The following DPP3 variants were observed in gnomAD, a reference collection of about 807,000 sequenced individuals.
DPP3 encodes the protein DPP III.
A neutral mutation model predicts 89.8 loss-of-function variants in DPP3; 64 were observed. The observed-to-expected ratio is 0.71, with a 90% CI of 0.58 to 0.88. DPP3 has a LOEUF of 0.88. Ranked by LOEUF, DPP3 falls within the 40% of genes least tolerant of loss-of-function variation. The probability of loss-of-function intolerance (pLI) is 0.00; values close to 1 mark genes in which losing one functional copy is unlikely to be tolerated. For synonymous variants in DPP3, 377 were observed against 404.3 expected (o/e 0.93, Z 0.81); for missense variants, 835 against 972.5 (o/e 0.86, Z 1.88).
Position 66,509,371 on chromosome 11 carries a change from C to T in DPP3, c.*120C>T. The T allele has an allele frequency of 1.3e-6, 2 of 1,540,948 alleles. No individual in the cohort carries two copies. The highest frequency in any genetic ancestry group is 1.2e-5 in the South Asian group (1 of 84,046). ...GCAGGAGCTTGGACCTTGGTACTACCTCAGCTGAGGGTGGTGACACAACCC... is the reference window on the plus strand; with the variant it reads ...GCAGGAGCTTGGACCTTGGTACTACTTCAGCTGAGGGTGGTGACACAACCC... On this transcript the variant is annotated 3_prime_UTR_variant, in exon 18 of 18. Transcript: ENST00000531863.
chr11:66,504,463 A>G, intron 16 of DPP3, 149 bp from the exon 17 acceptor site: 1 of 801,060 alleles, frequency 1.2e-6, no homozygotes, highest in Non-Finnish European at 1.8e-6. Context: ...ACTTAACCAT[A>G]AGTTTCAACA....
At chr11:66,491,650 GC>G (rs749217580) in intron 8 of DPP3, 26 bp downstream of exon 8, 1 of 1,593,022 alleles carries the variant, frequency 6.3e-7, no homozygotes, top group East Asian at 2.3e-5. Flanking sequence ...CACCCCACCT[GC>G]CCCCTCCTGC....
At chr11:66,505,777 G>A (rs1312137677) in intron 17 of DPP3, among the ~76,000 whole-genome samples, 2 of 137,442 alleles carry the variant, frequency 1.5e-5, no homozygotes, top group Non-Finnish European at 3.0e-5. Flanking sequence ...GAGCCCAGGA[G>A]TTCAATGCTA....
intron 9 of DPP3, 172 bp from the exon 10 acceptor site, chr11:66,492,544 T>C (rs1031695086): frequency 4.3e-5 from 30 of 705,416 alleles, no homozygotes; most frequent in Non-Finnish European, 6.7e-5. Context: ...GCATCTTTCC[T>C]GTCCAGGTCC....
At position 66,502,971 on chromosome 11, in the gene DPP3, T is replaced by A. The variant is rs1855717033; in HGVS notation, c.1879-1641T>A. Among the ~76,000 whole-genome samples the A allele has an allele frequency of 2.0e-5, 3 of 152,058 alleles. No homozygotes were observed. The South Asian group carries it at 6.2e-4, about 32-fold the overall frequency. On this transcript the variant is annotated intron_variant, in intron 16 of 17. Transcript: ENST00000531863. ...TGTGTAAGAAATGTTTTATTTTATTTATTTATTATTTTTTTGAGATGGAGT... is the reference window on the plus strand; with the variant it reads ...TGTGTAAGAAATGTTTTATTTTATTAATTTATTATTTTTTTGAGATGGAGT...
chr11:66,502,338 C>T (rs1482114606), intron 16 of DPP3, among the ~76,000 whole-genome samples: 1 of 150,640 alleles, frequency 6.6e-6, no homozygotes, highest in South Asian at 2.1e-4. Context: ...ATGGGAGTCT[C>T]GCTCTGTCCC....
chr11:66,509,050 C>T, intron 17 of DPP3, 29 bp from the exon 18 acceptor site: 1 of 1,610,860 alleles, frequency 6.2e-7, no homozygotes, highest in East Asian at 2.2e-5. Context: ...AGACCTTTCC[C>T]TGCTGTTTTC....
chr11:66,487,332 T>C lies in DPP3; in HGVS notation c.563T>C (p.Leu188Pro). ...GATGCCAAATTGGCCCAGGACTTTC[T>C]GGACTCACAGGTTTGGGGTTAGGGG... is the stretch of plus-strand genomic sequence containing the variant. ...MEDAKLAQDF[L>P]DSQNLSAYNT... is the part of the protein sequence containing the mutation. The change falls in exon 5 of 18, where the codon CTG becomes CCG. Residue 188 changes from leucine (L) to proline (P), a missense_variant. Coordinates refer to ENST00000531863, the MANE Select transcript of DPP3 (RefSeq NM_130443.4). The C allele has an allele frequency of 6.2e-7, 1 of 1,614,038 alleles. No homozygotes were observed. Among genetic ancestry groups the C allele is most frequent in the Non-Finnish European group, 8.5e-7 (1 of 1,179,940 alleles).
At chr11:66,481,313 A>AC (rs1314370558) in intron 1 of DPP3, among the ~76,000 whole-genome samples, 2 of 152,118 alleles carry the variant, frequency 1.3e-5, no homozygotes, top group Admixed American at 6.5e-5. Flanking sequence ...AAATAGCGAG[A>AC]CCCCGTCTCT....
intron 1 of DPP3, chr11:66,481,045 C>T (rs1334968136): frequency 6.6e-6 from 1 of 152,298 alleles, no homozygotes; most frequent in Non-Finnish European, 1.5e-5. Context: ...GGGTTATTCT[C>T]TCTTTTATAG....
chr11:66,501,547 G>A (rs1482848551), intron 16 of DPP3, among the ~76,000 whole-genome samples: 6 of 152,046 alleles, frequency 3.9e-5, no homozygotes, highest in East Asian at 1.9e-4. Context: ...AAAACCGGCC[G>A]GGCACAGTGG....
Position 66,504,794 on chromosome 11 carries a change from G to A in DPP3, c.2041+20G>A, listed in dbSNP as rs773506756. On this transcript the variant is annotated intron_variant, in intron 17 of 17. Transcript: ENST00000531863. ...TTGAAGGTAATGAGGTAATGAGGGA[G>A]CTCTTGAGCTCCCTTGATGAGCACC... 5.6e-6 allele frequency: 9 copies of A among 1,598,802 alleles called. No individual in the cohort carries two copies. The highest frequency in any genetic ancestry group is 6.8e-6 in the Non-Finnish European group (8 of 1,172,726).
intron 17 of DPP3, 97 bp downstream of exon 17, chr11:66,504,871 A>G (rs1855763793): frequency 4.5e-6 from 6 of 1,319,534 alleles, no homozygotes; most frequent in Admixed American, 2.7e-5. Context: ...CTCAATAAGA[A>G]CCTAACCCAG....
At chr11:66,507,233 T>C (rs1855824228) in intron 17 of DPP3, among the ~76,000 whole-genome samples, 1 of 151,990 alleles carries the variant, frequency 6.6e-6, no homozygotes, top group Non-Finnish European at 1.5e-5. Context: ...TTTGGGAGGC[T>C]GAGGCAGGTG....
At chr11:66,485,295 T>A in intron 3 of DPP3, 33 bp downstream of exon 3, 1 of 1,551,046 alleles carries the variant, frequency 6.4e-7, no homozygotes, top group Non-Finnish European at 8.9e-7. Flanking sequence ...AAGGTGGGGA[T>A]GGGGGGCTGG....
rs2134762136 is a variant in DPP3 at position 66,509,575 on chromosome 11, G to A, written c.*324G>A. 2 of 714,688 alleles carry A rather than the reference G, an allele frequency of 2.8e-6. No individual in the cohort carries two copies. Among genetic ancestry groups the A allele is most frequent in the South Asian group, 3.0e-5 (2 of 66,690 alleles). The allele number at this position is 714,688 out of a possible 1,614,324, so 44.3% of individuals were successfully genotyped here. ...CCCGCAGGTGGCACGTGACAGCTAGGGTTCAAAACGTTCTCACCAAATCCA... is the reference window on the plus strand; with the variant it reads ...CCCGCAGGTGGCACGTGACAGCTAGAGTTCAAAACGTTCTCACCAAATCCA... On this transcript the variant is annotated 3_prime_UTR_variant, in exon 18 of 18. Coordinates refer to ENST00000531863, the MANE Select transcript of DPP3 (RefSeq NM_130443.4).
At position 66,504,521 on chromosome 11, in the gene DPP3, G is replaced by T. The variant is rs555962063; in HGVS notation, c.1879-91G>T. On this transcript the variant is annotated intron_variant, in intron 16 of 17. Transcript: ENST00000531863. ...TTCAAACCATAGCACAGACTGTCCAGGGCTGACCACAATCAGCTGTGGCCT... is the reference window on the plus strand; with the variant it reads ...TTCAAACCATAGCACAGACTGTCCATGGCTGACCACAATCAGCTGTGGCCT... 212 of 1,455,666 alleles carry T rather than the reference G, an allele frequency of 1.5e-4. 1 individual carries two copies. The African/African-American group carries it at 2.4e-3, about 17-fold the overall frequency. 90.2% of individuals were successfully genotyped at this position (1,455,666 alleles called of 1,614,324 possible).
At chr11:66,482,035 T>C in intron 1 of DPP3, 158 bp from the exon 2 acceptor site, 2 of 1,117,916 alleles carry the variant, frequency 1.8e-6, no homozygotes, top group African/African-American at 3.1e-5. Flanking sequence ...TCATCTCACC[T>C]TCTCTAAGCC....
At position 66,491,474 on chromosome 11, in the gene DPP3, C is replaced by T; in HGVS notation, c.799-20C>T. On this transcript the variant is annotated intron_variant, in intron 7 of 17. Coordinates refer to ENST00000531863, the MANE Select transcript of DPP3 (RefSeq NM_130443.4). The stretch of plus-strand genomic sequence containing the variant: ...AGGTGGGTGGGTGGCCCGAGGCTGA[C>T]CGACCCCCGCTCACCTCAGGCCTAT... The T allele has an allele frequency of 1.3e-6, 2 of 1,596,514 alleles. No homozygotes were observed. The highest frequency in any genetic ancestry group is 1.1e-5 in the South Asian group (1 of 89,870).
Sources: gnomAD v4.1 joint callset for allele counts (sites outside exome capture counted in the v4.1 genomes callset) on GRCh38, gnomAD v4.1.1 for gene constraint, MANE v1.5 for transcripts, NCBI Gene and HGNC (gene_info 2026-07-23, HGNC 2026-07-21) for gene names.